The following LAMB4 variants were observed in gnomAD, a reference collection of about 807,000 sequenced individuals.
LAMB4 encodes laminin subunit beta-4.
In LAMB4, 196 loss-of-function variants were observed where a neutral mutation model predicts 199.2. That is an observed-to-expected ratio of 0.98 (90% CI 0.88 to 1.11). The LOEUF is 1.11. LAMB4 is among the 50% of genes least tolerant of loss of function. The pLI, the probability that LAMB4 is intolerant of heterozygous loss-of-function variation, is 0.00. For synonymous variants in LAMB4, 744 were observed against 770.6 expected (o/e 0.97, Z 0.57); for missense variants, 2,080 against 2,171.2 (o/e 0.96, Z 0.83).
At chr7:108,059,630 T>G (rs1280574367) in intron 23 of LAMB4, among the ~76,000 whole-genome samples, 1 of 152,206 alleles carries the variant, frequency 6.6e-6, no homozygotes, top group African/African-American at 2.4e-5. Flanking sequence ...GGACAGTAAC[T>G]GCCCTTAACC....
At chr7:108,119,119 G>A (rs1198095217) in intron 2 of LAMB4, among the ~76,000 whole-genome samples, 1 of 152,152 alleles carries the variant, frequency 6.6e-6, no homozygotes, top group Admixed American at 6.5e-5. Flanking sequence ...GAATAGCAAA[G>A]ATAAAAATAG....
At chr7:108,096,342 C>T (rs2037595287) in intron 11 of LAMB4, among the ~76,000 whole-genome samples, 1 of 151,826 alleles carries the variant, frequency 6.6e-6, no homozygotes, top group African/African-American at 2.4e-5. Flanking sequence ...AATTTTTTTC[C>T]TTTTTAAGGA....
Position 108,128,967 on chromosome 7 carries a change from A to G in LAMB4, c.-34+1339T>C, listed in dbSNP as rs978698016. ...CTGGGTGCATTTTGGTAGCCGTTTA[A>G]TGAATGCTGCTAGATGACACTGGTC... On this transcript the variant is annotated intron_variant, in intron 1 of 33. Transcript: ENST00000388781. Among the ~76,000 whole-genome samples the G allele has an allele frequency of 2.0e-5, 3 of 152,254 alleles. No individual in the cohort carries two copies. In the East Asian group the frequency reaches 5.8e-4, roughly 29 times the overall value.
At chr7:108,029,467 C>T (rs1269040902) in intron 32 of LAMB4, among the ~76,000 whole-genome samples, 1 of 152,096 alleles carries the variant, frequency 6.6e-6, no homozygotes, top group African/African-American at 2.4e-5. Flanking sequence ...TCTGAGGCAC[C>T]AATTGGTTGT....
chr7:108,075,373 G>A (rs1038401706), intron 17 of LAMB4, among the ~76,000 whole-genome samples: 1 of 152,124 alleles, frequency 6.6e-6, no homozygotes, highest in African/African-American at 2.4e-5. Context: ...ATGAAATGTG[G>A]CTGTAAAGTC....
chr7:108,097,715 C>CAAAT (rs60046996), intron 11 of LAMB4, among the ~76,000 whole-genome samples: 118 of 151,690 alleles, frequency 7.8e-4, no homozygotes, highest in East Asian at 1.6e-3. Context: ...CTCCGTCTCA[C>CAAAT]AAATAAATAA....
At position 108,034,215 on chromosome 7, in the gene LAMB4, A is replaced by T. The variant is rs752199601; in HGVS notation, c.4811T>A (p.Val1604Glu). ...TANITKIKKN[V>E]LQAENQTREM... ...TTCAAAGAAGACAAATACCTGCAGC[A>T]CATTCTTTTTTATTTTTGTTATATT... The change falls in exon 31 of 34, where the codon GTG (valine) becomes GAG (glutamate). Residue 1604 changes from valine to glutamate, a missense_variant. By Grantham distance (121) the Val-to-Glu change is moderately radical. Transcript: ENST00000388781. 1.9e-6 allele frequency: 3 copies of T among 1,614,058 alleles called. No homozygotes were observed. Among genetic ancestry groups the T allele is most frequent in the Non-Finnish European group, 2.5e-6 (3 of 1,179,978 alleles).
intron 30 of LAMB4, among the ~76,000 whole-genome samples, chr7:108,035,121 C>T (rs1282039067): frequency 6.6e-6 from 1 of 152,180 alleles, no homozygotes; most frequent in Non-Finnish European, 1.5e-5. Context: ...GGAGCCTTCC[C>T]TCCTCATCAT....
At chr7:108,032,695 CGTGT>C (rs3050225) in intron 31 of LAMB4, among the ~76,000 whole-genome samples, 9,245 of 144,474 alleles carry the variant, frequency 0.064, 910 homozygotes, top group African/African-American at 0.21. Flanking sequence ...TGTGTGTTTG[CGTGT>C]GTGTGTGTGT....
At chr7:108,096,578 T>C (rs2037606187) in intron 11 of LAMB4, among the ~76,000 whole-genome samples, 1 of 152,064 alleles carries the variant, frequency 6.6e-6, no homozygotes, top group African/African-American at 2.4e-5. Context: ...ACTTCCAATA[T>C]ACTAAAAATT....
Position 108,063,823 on chromosome 7 carries a change from C to A in LAMB4, c.2999G>T (p.Gly1000Val), listed in dbSNP as rs1318808948. Residue 1000 changes from glycine to valine, a missense_variant, in exon 22 of 34, where the codon GGC becomes GTC. Physicochemically the swap from Gly to Val is moderately radical, Grantham distance 109 (BLOSUM62 -3). Coordinates refer to ENST00000388781, the MANE Select transcript of LAMB4 (RefSeq NM_007356.3). ...TGGTTTGCAGAGCTGGCAGTTTGCG[C>A]CCTGAGTGTTGTGCAAACATCGAAG... ...ECLRCLHNTQ[G>V]ANCQLCKPGH... 3 of 1,614,082 alleles carry A rather than the reference C, an allele frequency of 1.9e-6. No individual in the cohort carries two copies. In the African/African-American group the frequency reaches 4.0e-5, roughly 22 times the overall value.
At chr7:108,106,481 G>A in intron 7 of LAMB4, 28 bp downstream of exon 7, 1 of 1,322,250 alleles carries the variant, frequency 7.6e-7, no homozygotes, top group Non-Finnish European at 1.1e-6. Context: ...TTTTAAAGCT[G>A]ATATGAAAAA....
chr7:108,090,416 C>T (rs2037352576), intron 14 of LAMB4, among the ~76,000 whole-genome samples: 1 of 152,000 alleles, frequency 6.6e-6, no homozygotes, highest in African/African-American at 2.4e-5. Context: ...ATTCACCTGC[C>T]CTTTAAACCT....
chr7:108,049,978 C>T (rs1369836668), intron 26 of LAMB4, among the ~76,000 whole-genome samples: 1 of 152,178 alleles, frequency 6.6e-6, no homozygotes, highest in Admixed American at 6.5e-5. Context: ...ATTTACTTAA[C>T]CGTATAGAGC....
intron 25 of LAMB4, among the ~76,000 whole-genome samples, chr7:108,054,441 G>A (rs570988238): frequency 1.3e-5 from 2 of 152,116 alleles, no homozygotes; most frequent in Admixed American, 1.3e-4. Context: ...TATAGATAAT[G>A]AGTTACCTTA....
chr7:108,078,972 C>A (rs189172049), intron 15 of LAMB4, among the ~76,000 whole-genome samples: 154 of 152,278 alleles, frequency 1.0e-3, no homozygotes, highest in African/African-American at 3.7e-3. Context: ...GGCTTGGGAG[C>A]CTCTAAGACC....
At chr7:108,054,863 T>A (rs906628988) in intron 25 of LAMB4, among the ~76,000 whole-genome samples, 11 of 152,110 alleles carry the variant, frequency 7.2e-5, no homozygotes, top group African/African-American at 2.4e-4. Flanking sequence ...GGTTAAATTT[T>A]AAAAAAAGAT....
chr7:108,081,693 G>A (rs929875299), intron 14 of LAMB4, among the ~76,000 whole-genome samples: 4 of 152,234 alleles, frequency 2.6e-5, no homozygotes, highest in Admixed American at 6.5e-5. Context: ...GATGATCCCT[G>A]GCATGATGTA....
At chr7:108,020,728 C>G (rs565269049), downstream of LAMB4, among the ~76,000 whole-genome samples, 7 of 152,062 alleles carry the variant, frequency 4.6e-5, no homozygotes, top group African/African-American at 1.7e-4. Context: ...CAATTATATC[C>G]GAATGACTCA....
Sources: gnomAD v4.1 joint callset for allele counts (sites outside exome capture counted in the v4.1 genomes callset) on GRCh38, gnomAD v4.1.1 for gene constraint, MANE v1.5 for transcripts, NCBI Gene and HGNC (gene_info 2026-07-23, HGNC 2026-07-21) for gene names.